Variants in MSI2 observed in about 807,000 individuals in gnomAD.
MSI2 encodes the protein musashi RNA binding protein 2, also known as RNA-binding protein Musashi homolog 2.
MSI2 carries 17 observed loss-of-function variants against 45.6 expected under a neutral mutation model. That is an observed-to-expected ratio of 0.37 (90% CI 0.26 to 0.56). The LOEUF (loss-of-function observed/expected upper bound fraction) is 0.56. Ranked by LOEUF, MSI2 falls within the 20% of genes least tolerant of loss-of-function variation. MSI2 has a pLI of 0.77. For synonymous variants in MSI2, 156 were observed against 158.2 expected, an observed-to-expected ratio of 0.99 and a Z score of 0.11; for missense variants, 293 against 444.2, an observed-to-expected ratio of 0.66 and a Z score of 3.06.
intron 12 of MSI2, among the ~76,000 whole-genome samples, chr17:57,676,614 G>A (rs947493220): frequency 6.6e-6 from 1 of 152,168 alleles, no homozygotes; most frequent in Non-Finnish European, 1.5e-5. Flanking sequence ...GTCTGCACTG[G>A]GATTTCTTCT....
At chr17:57,441,404 C>T (rs1288481233) in intron 6 of MSI2, among the ~76,000 whole-genome samples, 3 of 152,214 alleles carry the variant, frequency 2.0e-5, no homozygotes, top group Non-Finnish European at 4.4e-5. Context: ...CACCTCACCA[C>T]CCTGCAACCA....
upstream of MSI2, chr17:57,256,121 A>G (rs1292278894): frequency 6.6e-6 from 1 of 152,028 alleles, no homozygotes; most frequent in East Asian, 2.0e-4. Context: ...GGCGAACTAG[A>G]GAGGGTGGGG....
At chr17:57,482,382 C>T (rs1282822662) in intron 6 of MSI2, among the ~76,000 whole-genome samples, 6 of 152,226 alleles carry the variant, frequency 3.9e-5, no homozygotes. Flanking sequence ...CTGCCGACAG[C>T]CATGCTCCTT....
intron 6 of MSI2, among the ~76,000 whole-genome samples, chr17:57,512,007 G>A (rs551116421): frequency 1.3e-5 from 2 of 152,232 alleles, no homozygotes; most frequent in South Asian, 4.2e-4. Context: ...TGCCATTTTT[G>A]TGATGAACCG....
At chr17:57,438,953 C>T (rs1210560172) in intron 6 of MSI2, among the ~76,000 whole-genome samples, 1 of 152,138 alleles carries the variant, frequency 6.6e-6, no homozygotes, top group Admixed American at 6.5e-5. Flanking sequence ...GCACCTGCCA[C>T]CACGCCCGGC....
chr17:57,349,810 T>A (rs993240808), intron 5 of MSI2, among the ~76,000 whole-genome samples: 7 of 152,266 alleles, frequency 4.6e-5, no homozygotes, highest in African/African-American at 1.7e-4. Context: ...CAGATACACT[T>A]CAAAATTTTT....
At chr17:57,550,980 G>A (rs2087289999) in intron 7 of MSI2, among the ~76,000 whole-genome samples, 1 of 152,152 alleles carries the variant, frequency 6.6e-6, no homozygotes, top group South Asian at 2.1e-4. Context: ...GGGGGGATGG[G>A]TGCTCTCTGG....
chr17:57,408,598 C>T (rs896786436), intron 6 of MSI2, among the ~76,000 whole-genome samples: 1 of 143,006 alleles, frequency 7.0e-6, no homozygotes, highest in Admixed American at 6.9e-5. Context: ...TGGGTAGGGG[C>T]GGGGGGGCGG....
chr17:57,317,506 C>CTTTTTTTTTTTTTTTT (rs921448429), intron 5 of MSI2, among the ~76,000 whole-genome samples: 2 of 94,576 alleles, frequency 2.1e-5, no homozygotes, highest in African/African-American at 4.6e-5. Flanking sequence ...TATAGTTTTG[C>CTTTTTTTTTTTTTTTT]TTTTTTTTTT....
intron 6 of MSI2, among the ~76,000 whole-genome samples, chr17:57,504,281 C>T (rs562828446): frequency 6.6e-6 from 1 of 152,320 alleles, no homozygotes; most frequent in African/African-American, 2.4e-5. Context: ...TATGACCTCA[C>T]AAGGCAGCCC....
intron 6 of MSI2, among the ~76,000 whole-genome samples, chr17:57,424,393 C>T (rs12452955): frequency 0.22 from 33,457 of 152,140 alleles, 3,842 homozygotes; most frequent in African/African-American, 0.23. Flanking sequence ...GGGAGATGAG[C>T]GTTCTCTCTG....
At chr17:57,466,319 G>A (rs564292766) in intron 6 of MSI2, among the ~76,000 whole-genome samples, 21 of 152,302 alleles carry the variant, frequency 1.4e-4, no homozygotes, top group Non-Finnish European at 2.6e-4. Context: ...CTGGTAACCT[G>A]GCCTCTCCCA....
chr17:57,465,723 G>A (rs2143650653), intron 6 of MSI2, among the ~76,000 whole-genome samples: 1 of 152,230 alleles, frequency 6.6e-6, no homozygotes, highest in South Asian at 2.1e-4. Context: ...GAGTGGCCAT[G>A]CTCTCCTGAA....
chr17:57,343,963 G>A (rs1231903118), intron 5 of MSI2, among the ~76,000 whole-genome samples: 1 of 152,194 alleles, frequency 6.6e-6, no homozygotes, highest in Non-Finnish European at 1.5e-5. Flanking sequence ...AGCACTTGAT[G>A]TCCATCTGCC....
chr17:57,340,430 T>A (rs1184125404), intron 5 of MSI2, among the ~76,000 whole-genome samples: 1 of 152,144 alleles, frequency 6.6e-6, no homozygotes, highest in African/African-American at 2.4e-5. Context: ...TGAAATGAGA[T>A]GAAATATAAT....
intron 7 of MSI2, among the ~76,000 whole-genome samples, chr17:57,565,164 C>T (rs2087697615): frequency 6.6e-6 from 1 of 152,198 alleles, no homozygotes; most frequent in African/African-American, 2.4e-5. Flanking sequence ...CTGTGCCACC[C>T]CATCTGCATC....
chr17:57,355,452 T>G (rs1166768184), intron 5 of MSI2, among the ~76,000 whole-genome samples: 2 of 152,250 alleles, frequency 1.3e-5, no homozygotes, highest in Admixed American at 1.3e-4. Flanking sequence ...CAACAGTGTA[T>G]GTCCAGCTTT....
At chr17:57,535,639 G>C (rs1163875751) in intron 7 of MSI2, among the ~76,000 whole-genome samples, 1 of 152,236 alleles carries the variant, frequency 6.6e-6, no homozygotes, top group African/African-American at 2.4e-5. Context: ...ATGGTTTTGT[G>C]AGCCCCAGCG....
chr17:57,602,288 G>C (rs996638837), intron 8 of MSI2, among the ~76,000 whole-genome samples: 1 of 151,976 alleles, frequency 6.6e-6, no homozygotes, highest in Non-Finnish European at 1.5e-5. Context: ...AGTTCTTCCG[G>C]TGTGGCCCAA....
Sources: allele counts gnomAD v4.1 joint callset (sites outside exome capture counted in the v4.1 genomes callset), GRCh38; gene constraint gnomAD v4.1.1; transcripts MANE v1.5; gene names NCBI Gene and HGNC (gene_info 2026-07-23, HGNC 2026-07-21).